The following APH1B variants were observed in gnomAD, a reference collection of about 807,000 sequenced individuals.
The protein encoded by APH1B is aph-1B gamma-secretase subunit.
APH1B carries 27 observed loss-of-function variants against 28.2 expected under a neutral mutation model. The ratio of observed to expected loss-of-function variants is 0.96; its 90% CI spans 0.70 to 1.32. The LOEUF is 1.32. Among genes scored for constraint, APH1B ranks in the 40% most tolerant of loss-of-function variants. The probability of loss-of-function intolerance (pLI) is 0.00; values close to 1 mark genes in which losing one functional copy is unlikely to be tolerated. For missense variants in APH1B, 305 were observed against 313.6 expected (o/e 0.97, Z 0.21); for synonymous variants, 141 against 124.6 (o/e 1.13, Z -0.88).
intron 5 of APH1B, among the ~76,000 whole-genome samples, chr15:63,303,552 G>C (rs2038654702): frequency 6.6e-6 from 1 of 152,198 alleles, no homozygotes; most frequent in Non-Finnish European, 1.5e-5. Context: ...CTGGAGTGCG[G>C]TGGCACGATC....
chr15:63,282,768 T>C (rs959540266), intron 2 of APH1B, among the ~76,000 whole-genome samples: 14 of 152,186 alleles, frequency 9.2e-5, no homozygotes, highest in Admixed American at 2.6e-4. Context: ...CTTCCATTTA[T>C]AGAAAAAACA....
rs145685685 is a variant in APH1B, at chr15:63,306,593, G to A, written c.*812G>A. 6.7e-3 allele frequency: 1,028 copies of A among 152,360 alleles called. 7 individuals are homozygous for A. Among genetic ancestry groups the A allele is most frequent in the Non-Finnish European group, 0.011 (772 of 68,044 alleles). 9.4% of individuals were successfully genotyped at this position (152,360 alleles called of 1,614,324 possible). On this transcript the variant is annotated 3_prime_UTR_variant, in exon 6 of 6. Coordinates refer to ENST00000261879, the MANE Select transcript of APH1B (RefSeq NM_031301.4). ...TTTCCATGGGCTCTGCCCCAAGGCC[G>A]TTGGCTGCAGCGTTCACCATCTGAG... is the stretch of plus-strand genomic sequence containing the variant.
chr15:63,300,068 T>C (rs963354006), intron 4 of APH1B, among the ~76,000 whole-genome samples: 14 of 152,078 alleles, frequency 9.2e-5, no homozygotes, highest in Admixed American at 1.3e-4. Context: ...GTTTTAGCAT[T>C]GTAAAGATAT....
At position 63,307,373 on chromosome 15, in the gene APH1B, A is replaced by C. The variant is rs1289984460; in HGVS notation, c.*1592A>C. ...AAATATTAGAATGTTTAGAGATAAA[A>C]TAGAGATAATAGAGATAAAAGAAGA... On this transcript the variant is annotated 3_prime_UTR_variant, in exon 6 of 6. Transcript: ENST00000261879. 7.5e-6 allele frequency: 1 copy of C among 133,822 alleles called. No homozygotes were observed. Among genetic ancestry groups the C allele is most frequent in the Non-Finnish European group, 1.8e-5 (1 of 56,072 alleles). 8.3% of individuals were successfully genotyped at this position (133,822 alleles called of 1,614,324 possible). A position where few individuals can be genotyped will look rare whatever the true frequency, so the allele number is the denominator to read the frequency against.
intron 4 of APH1B, among the ~76,000 whole-genome samples, chr15:63,288,904 A>G (rs912044517): frequency 2.3e-4 from 35 of 152,316 alleles, no homozygotes; most frequent in Admixed American, 7.8e-4. Flanking sequence ...GTTTTCATAT[A>G]CAGTTAACAC....
chr15:63,305,923 T>C lies in APH1B; in HGVS notation c.*142T>C, dbSNP rs1595766433. 1 of 1,112,930 alleles carries C rather than the reference T, an allele frequency of 9.0e-7. No homozygotes were observed. Among genetic ancestry groups the C allele is most frequent in the East Asian group, 2.6e-5 (1 of 37,924 alleles). The allele number at this position is 1,112,930 out of a possible 1,614,324, so 68.9% of individuals were successfully genotyped here. On this transcript the variant is annotated 3_prime_UTR_variant, in exon 6 of 6. Transcript: ENST00000261879. Reference sequence around the variant, plus strand: ...GATATGCGTTCCATTCACTTGGCTTTCACACAACTGCTCTCCGAAAGGGGT... The same window carrying C: ...GATATGCGTTCCATTCACTTGGCTTCCACACAACTGCTCTCCGAAAGGGGT...
At position 63,290,194 on chromosome 15, in the gene APH1B, A is replaced by G. The variant is rs74022904; in HGVS notation, c.478+2648A>G. Among the ~76,000 whole-genome samples, 1,482 of 152,344 alleles carry G rather than the reference A, an allele frequency of 9.7e-3. 15 individuals are homozygous for G. The highest frequency in any genetic ancestry group is 0.041 in the South Asian group (196 of 4,828). On this transcript the variant is annotated intron_variant, in intron 4 of 5. Coordinates refer to ENST00000261879, the MANE Select transcript of APH1B (RefSeq NM_031301.4). The stretch of plus-strand genomic sequence containing the variant: ...TATGTGTTAATAAGATCCATACTAT[A>G]TGATACCTGTGTGTACATAGGCTCT...
intron 2 of APH1B, among the ~76,000 whole-genome samples, chr15:63,285,405 T>A (rs2038434596): frequency 6.6e-6 from 1 of 152,368 alleles, no homozygotes; most frequent in African/African-American, 2.4e-5. Flanking sequence ...GTTTTGGTTC[T>A]TTTGTTGCCT....
Position 63,279,329 on chromosome 15 carries a change from A to G in APH1B, c.282A>G (p.Leu94=), listed in dbSNP as rs751890248. 6.3e-7 allele frequency: 1 copy of G among 1,587,872 alleles called. No homozygotes were observed. The highest frequency in any genetic ancestry group is 2.3e-5 in the East Asian group (1 of 44,316). Residue 94 remains leucine, a splice_region_variant and synonymous_variant, in exon 2 of 6, where the codon TTA becomes TTG. Coordinates refer to ENST00000261879, the MANE Select transcript of APH1B (RefSeq NM_031301.4). ...EMFRFAYYKL[L]KKASEGLKSI... ...TCCGATTTGCATATTATAAACTCTTAAAGTAAGTTAAATACCTGCCTTACC... is the reference window on the plus strand; with the variant it reads ...TCCGATTTGCATATTATAAACTCTTGAAGTAAGTTAAATACCTGCCTTACC...
intron 4 of APH1B, among the ~76,000 whole-genome samples, chr15:63,294,365 A>C (rs896961457): frequency 6.6e-6 from 1 of 152,162 alleles, no homozygotes; most frequent in African/African-American, 2.4e-5. Context: ...GCTTGATCCC[A>C]TGCAGCTCCA....
rs761632611 is a variant in APH1B, at chr15:63,287,489, T to C, written c.421T>C (p.Leu141=). 2 of 1,614,056 alleles carry C rather than the reference T, an allele frequency of 1.2e-6. No homozygotes were observed. The highest frequency in any genetic ancestry group is 4.5e-5 in the East Asian group (2 of 44,886). The change falls in exon 4 of 6, where the codon TTG becomes CTG. Residue 141 remains leucine, a synonymous_variant. Coordinates refer to ENST00000261879, the MANE Select transcript of APH1B (RefSeq NM_031301.4). ...FSFVNTLSDS[L]GPGTVGIHGD... Reference sequence around the variant, plus strand: ...CTTTGTGAATACCCTATCTGACTCCTTGGGGCCAGGCACAGTGGGCATTCA... The same window carrying C: ...CTTTGTGAATACCCTATCTGACTCCCTGGGGCCAGGCACAGTGGGCATTCA...
intron 2 of APH1B, among the ~76,000 whole-genome samples, chr15:63,281,164 A>G (rs1318287886): frequency 1.3e-5 from 2 of 151,298 alleles, no homozygotes; most frequent in Admixed American, 1.3e-4. Flanking sequence ...AAAAACAAAA[A>G]CTCCCTTCTG....
At chr15:63,281,553 A>C (rs1176365003) in intron 2 of APH1B, among the ~76,000 whole-genome samples, 1 of 145,328 alleles carries the variant, frequency 6.9e-6, no homozygotes, top group African/African-American at 2.6e-5. Context: ...AAAAAAAAAC[A>C]AAAAAAAACA....
At chr15:63,298,991 G>A (rs1201575838) in intron 4 of APH1B, among the ~76,000 whole-genome samples, 2 of 152,056 alleles carry the variant, frequency 1.3e-5, no homozygotes, top group African/African-American at 2.4e-5. Flanking sequence ...AGTAAGATTC[G>A]GATGTGGTGA....
chr15:63,277,652 C>T lies in APH1B; in HGVS notation c.29C>T (p.Ala10Val). The change falls in exon 1 of 6, where the codon GCC becomes GTC. Residue 10 changes from alanine (A) to valine (V), a missense_variant. Transcript: ENST00000261879. The part of the protein sequence containing the change: MTAAVFFGC[A>V]FIAFGPALAL... ...ACTGCGGCCGTGTTCTTCGGCTGCG[C>T]CTTCATTGCCTTCGGGCCTGCGCTC... The T allele has an allele frequency of 6.2e-7, 1 of 1,602,892 alleles. No homozygotes were observed. The highest frequency in any genetic ancestry group is 1.7e-4 in the Middle Eastern group (1 of 6,020).
chr15:63,296,161 C>A (rs1199835191), intron 4 of APH1B, among the ~76,000 whole-genome samples: 2 of 152,242 alleles, frequency 1.3e-5, no homozygotes, highest in Non-Finnish European at 2.9e-5. Context: ...TGGGGCCCGA[C>A]TCCCACTTGT....
At chr15:63,281,780 A>G (rs988531114) in intron 2 of APH1B, among the ~76,000 whole-genome samples, 4 of 150,062 alleles carry the variant, frequency 2.7e-5, no homozygotes, top group African/African-American at 9.8e-5. Flanking sequence ...TTTTAATTTT[A>G]ATTTTTAAAA....
intron 5 of APH1B, among the ~76,000 whole-genome samples, chr15:63,303,904 C>T (rs2038660910): frequency 6.8e-6 from 1 of 147,338 alleles, no homozygotes; most frequent in African/African-American, 2.5e-5. Context: ...CACACACACA[C>T]ACACTTCTTT....
chr15:63,282,150 AT>A (rs1451397608), intron 2 of APH1B, among the ~76,000 whole-genome samples: 1 of 152,236 alleles, frequency 6.6e-6, no homozygotes, highest in South Asian at 2.1e-4. Context: ...TATGACTGAC[AT>A]TTATATGGAT....
Sources: gnomAD v4.1 joint callset for allele counts (sites outside exome capture counted in the v4.1 genomes callset) on GRCh38, gnomAD v4.1.1 for gene constraint, MANE v1.5 for transcripts, NCBI Gene and HGNC (gene_info 2026-07-23, HGNC 2026-07-21) for gene names.